PDGFA: variants seen among roughly 807,000 people sequenced by gnomAD.
PDGFA encodes platelet derived growth factor subunit A.
In PDGFA, 9 loss-of-function variants were observed where a neutral mutation model predicts 25.6. The ratio of observed to expected loss-of-function variants is 0.35; its 90% CI spans 0.21 to 0.61. PDGFA has a LOEUF of 0.61. PDGFA is among the 20% of genes least tolerant of loss of function. The pLI is 0.75. For missense variants in PDGFA, 242 were observed against 272.8 expected, an observed-to-expected ratio of 0.89 and a Z score of 0.79; for synonymous variants, 133 against 111.8, an observed-to-expected ratio of 1.19 and a Z score of -1.20.
chr7:497,954 A>AAAAC (rs1782145182), exon 6 of PDGFA: 1 of 116,264 alleles, frequency 8.6e-6, no homozygotes, highest in African/African-American at 3.2e-5. Context: ...AAAAAAAAAA[A>AAAAC]AAAACAAAAA....
At chr7:497,420 A>G (rs1273550806) in exon 6 of PDGFA, 2 of 152,188 alleles carry the variant, frequency 1.3e-5, no homozygotes, top group African/African-American at 4.8e-5. Flanking sequence ...GTAAAGCACA[A>G]TATCTTACCA....
At chr7:519,430 GGCC>G (rs972270599), upstream of PDGFA, 39 of 160,536 alleles carry the variant, frequency 2.4e-4, no homozygotes, top group Non-Finnish European at 4.0e-4. Flanking sequence ...GGGAGTCTGG[GGCC>G]GCCGCCGCCG....
chr7:516,281 G>A (rs1328511673), intron 2 of PDGFA, among the ~76,000 whole-genome samples: 9 of 150,200 alleles, frequency 6.0e-5, no homozygotes, highest in African/African-American at 2.0e-4. Flanking sequence ...CATCGGCCTT[G>A]TTAGAAAATG....
chr7:513,284 A>C (rs1583156315), intron 2 of PDGFA: 1 of 152,754 alleles, frequency 6.5e-6, no homozygotes, highest in Non-Finnish European at 1.5e-5. Context: ...AGAACTGAGA[A>C]CCTATCCCCG....
In PDGFA at chr7:517,447, C is replaced by A; in HGVS notation, c.107G>T (p.Ser36Ile). 7.2e-7 allele frequency: 1 copy of A among 1,386,388 alleles called. No homozygotes were observed. The highest frequency in any genetic ancestry group is 9.5e-7 in the Non-Finnish European group (1 of 1,055,516). The allele number at this position is 1,386,388 out of a possible 1,614,324, so 85.9% of individuals were successfully genotyped here. A position where few individuals can be genotyped will look rare whatever the true frequency, so the allele number is the denominator to read the frequency against. ...GAGGTCCCGGATGCTGTGGATCTGACTGCGGGCCAGCCTCTCGATCACCTC... is the reference window on the plus strand; with the variant it reads ...GAGGTCCCGGATGCTGTGGATCTGAATGCGGGCCAGCCTCTCGATCACCTC... The change falls in exon 2 of 6, where the codon AGT becomes ATT. Residue 36 changes from serine to isoleucine, a missense_variant. Transcript: ENST00000402802. The surrounding 1 kb of genome is among the most constrained non-coding windows in gnomAD (Gnocchi z 7.4).
At chr7:505,485 C>T (rs925363533) in intron 4 of PDGFA, among the ~76,000 whole-genome samples, 2 of 152,236 alleles carry the variant, frequency 1.3e-5, no homozygotes, top group African/African-American at 4.8e-5. Context: ...CTGCAGAGAC[C>T]CCCTGAGGAG....
Position 518,930 on chromosome 7 carries a change from G to C in PDGFA, c.63+9C>G, listed in dbSNP as rs1367395805. 1 of 1,512,484 alleles carries C rather than the reference G, an allele frequency of 6.6e-7. No homozygotes were observed. The highest frequency in any genetic ancestry group is 8.8e-7 in the Non-Finnish European group (1 of 1,131,652). The allele number at this position is 1,512,484 out of a possible 1,614,324, so 93.7% of individuals were successfully genotyped here. A position where few individuals can be genotyped will look rare whatever the true frequency, so the allele number is the denominator to read the frequency against. On this transcript the variant is annotated intron_variant, in intron 1 of 5. Transcript: ENST00000402802. ...CGGCGCAGGGACGGGGCGCGGGGGC[G>C]GCACCAACCTCGGCCAGAACATGGG...
exon 6 of PDGFA, chr7:497,869 T>G (rs1367284568): frequency 4.0e-5 from 1 of 24,982 alleles, no homozygotes; most frequent in Non-Finnish European, 6.5e-5. Context: ...AAGAGATAAT[T>G]AAAAAAAAAA....
chr7:511,883 C>G (rs1015897122), intron 3 of PDGFA, among the ~76,000 whole-genome samples: 1 of 152,034 alleles, frequency 6.6e-6, no homozygotes, highest in Admixed American at 6.6e-5. Flanking sequence ...GCGGGGCACA[C>G]GGGTGTGGTG....
intron 4 of PDGFA, among the ~76,000 whole-genome samples, chr7:504,940 C>T (rs1164058772): frequency 1.3e-5 from 2 of 152,218 alleles, no homozygotes; most frequent in Non-Finnish European, 2.9e-5. Flanking sequence ...CTCTGGGCAC[C>T]GTGCGAAAGG....
At chr7:505,632 C>T (rs971275835) in intron 4 of PDGFA, among the ~76,000 whole-genome samples, 6 of 152,316 alleles carry the variant, frequency 3.9e-5, no homozygotes, top group Admixed American at 1.3e-4. Context: ...CTGTAACCCT[C>T]ACAGCTACCC....
At position 500,329 on chromosome 7, in the gene PDGFA, C is replaced by T; in HGVS notation, c.580+787G>A. 1 of 1,321,102 alleles carries T rather than the reference C, an allele frequency of 7.6e-7. No individual in the cohort carries two copies. The highest frequency in any genetic ancestry group is 2.4e-5 in the East Asian group (1 of 42,382). 81.8% of individuals were successfully genotyped at this position (1,321,102 alleles called of 1,614,324 possible). Reference sequence around the variant, plus strand: ...CATCAAGGCCAATCAGGGCCACATCCCCGCCGCACCCGGCGAGACAGGAAG... The same window carrying T: ...CATCAAGGCCAATCAGGGCCACATCTCCGCCGCACCCGGCGAGACAGGAAG... On this transcript the variant is annotated intron_variant, in intron 5 of 5. Transcript: ENST00000402802. This position sits in a 1 kb window ranked among gnomAD's most constrained non-coding sequence, Gnocchi z 5.0.
chr7:518,246 G>A (rs1783196753), intron 1 of PDGFA, among the ~76,000 whole-genome samples: 2 of 152,142 alleles, frequency 1.3e-5, no homozygotes, highest in Admixed American at 6.5e-5. Context: ...AAGGAGAGTC[G>A]GGGGTCGCTG....
At chr7:514,896 C>T (rs965133768) in intron 2 of PDGFA, among the ~76,000 whole-genome samples, 1 of 152,226 alleles carries the variant, frequency 6.6e-6, no homozygotes, top group Non-Finnish European at 1.5e-5. Flanking sequence ...CCGAATGAAA[C>T]GCTTGGGCTC....
intron 4 of PDGFA, among the ~76,000 whole-genome samples, chr7:510,205 C>T (rs1040862762): frequency 2.0e-5 from 3 of 152,122 alleles, no homozygotes; most frequent in African/African-American, 4.8e-5. Flanking sequence ...AGGCCAGGCT[C>T]GTCGCCAGAG....
Position 517,274 on chromosome 7 carries a change from G to A in PDGFA, c.160+120C>T, listed in dbSNP as rs1364009138. 15 of 323,030 alleles carry A rather than the reference G, an allele frequency of 4.6e-5. No individual in the cohort carries two copies. Among genetic ancestry groups the A allele is most frequent in the Non-Finnish European group, 7.1e-5 (13 of 182,434 alleles). The allele number at this position is 323,030 out of a possible 1,614,324, so 20.0% of individuals were successfully genotyped here. ...TCATCCGCCCGGGCGCTTATGGCTG[G>A]GGATTGGATTCTGACCTTTCGGTGC... On this transcript the variant is annotated intron_variant, in intron 2 of 5. Coordinates refer to ENST00000402802, the Ensembl canonical transcript of PDGFA. The surrounding 1 kb of genome is among the most constrained non-coding windows in gnomAD (Gnocchi z 7.4).
exon 5 of PDGFA, chr7:501,156 C>A (rs149744268): frequency 6.2e-7 from 1 of 1,614,228 alleles, no homozygotes; most frequent in Non-Finnish European, 8.5e-7. Flanking sequence ...GGCTTGTGGT[C>A]GCGCAGGCGC....
Position 508,590 on chromosome 7 carries a change from T to TAAAAACC in PDGFA, c.453+2218_453+2219insGGTTTTT, listed in dbSNP as rs1275774675. ...AAAAAAAAAAAAAAAAAAAAAAAAT[T>TAAAAACC]CTCAGCTGAGGCCAAGCCAGGAGGC... On this transcript the variant is annotated intron_variant, in intron 4 of 5. Transcript: ENST00000402802. 1.3e-4 allele frequency among the ~76,000 whole-genome samples: 17 copies of TAAAAACC among 130,894 alleles called. 1 individual carries two copies. The highest frequency in any genetic ancestry group is 2.4e-4 in the South Asian group (1 of 4,096). The allele number at this position is 130,894 out of a possible 152,430, so 85.9% of individuals were successfully genotyped here.
At chr7:512,206 G>A in intron 3 of PDGFA, 145 bp downstream of exon 3, 1 of 734,336 alleles carries the variant, frequency 1.4e-6, no homozygotes, top group Non-Finnish European at 2.2e-6. Flanking sequence ...CTATTTTAGG[G>A]AGGAGGGAAC....
Sources: gnomAD v4.1 joint callset for allele counts (sites outside exome capture counted in the v4.1 genomes callset) on GRCh38, gnomAD v4.1.1 for gene constraint, Gnocchi (gnomAD v3.1) non-coding constraint, MANE v1.5 for transcripts, NCBI Gene and HGNC (gene_info 2026-07-23, HGNC 2026-07-21) for gene names.